Variants in CPEB3 observed in about 807,000 individuals in gnomAD.
CPEB3 encodes the protein cytoplasmic polyadenylation element-binding protein 3.
In CPEB3, 20 loss-of-function variants were observed where a neutral mutation model predicts 67.2. The observed-to-expected ratio is 0.30, with a 90% CI of 0.21 to 0.43. The LOEUF is 0.43. CPEB3 is among the 20% of genes least tolerant of loss of function. The pLI is 1.00. For synonymous variants in CPEB3, 376 were observed against 393.1 expected (o/e 0.96, Z 0.51); for missense variants, 746 against 968.6 (o/e 0.77, Z 3.05).
chr10:92,184,670 A>AAT (rs1343785402), intron 3 of CPEB3, among the ~76,000 whole-genome samples: 1 of 152,162 alleles, frequency 6.6e-6, no homozygotes, highest in Admixed American at 6.5e-5. Context: ...CAATTATCTA[A>AAT]ATATAATCTA....
chr10:92,056,614 CA>C (rs2134277424), intron 9 of CPEB3, among the ~76,000 whole-genome samples: 1 of 152,298 alleles, frequency 6.6e-6, no homozygotes, highest in East Asian at 1.9e-4. Context: ...CTGTGGGCTA[CA>C]GTGCTCTGTG....
At chr10:92,210,305 G>T (rs1850015699) in intron 2 of CPEB3, among the ~76,000 whole-genome samples, 2 of 152,108 alleles carry the variant, frequency 1.3e-5, no homozygotes, top group Non-Finnish European at 2.9e-5. Context: ...AATGAAGGTG[G>T]TCATCAACTA....
chr10:92,260,492 A>G (rs993000318), intron 1 of CPEB3, among the ~76,000 whole-genome samples: 3 of 151,104 alleles, frequency 2.0e-5, no homozygotes, highest in African/African-American at 7.3e-5. Flanking sequence ...CAGAGGTTTC[A>G]GTGAGCCGGG....
chr10:92,166,029 T>C (rs976571342), intron 4 of CPEB3, among the ~76,000 whole-genome samples: 1 of 152,190 alleles, frequency 6.6e-6, no homozygotes, highest in East Asian at 1.9e-4. Flanking sequence ...GAATCCTTTC[T>C]AGAAGGTTTT....
At chr10:92,150,479 T>TA (rs1305108873) in intron 4 of CPEB3, among the ~76,000 whole-genome samples, 15 of 152,312 alleles carry the variant, frequency 9.8e-5, no homozygotes, top group Admixed American at 3.9e-4. Context: ...CTTGAGCTAG[T>TA]AGACAGTCAG....
chr10:92,237,617 T>C (rs1282992300), intron 2 of CPEB3, among the ~76,000 whole-genome samples: 1 of 152,158 alleles, frequency 6.6e-6, no homozygotes, highest in African/African-American at 2.4e-5. Context: ...GTCTATATTA[T>C]CAGCTCCCAA....
intron 2 of CPEB3, among the ~76,000 whole-genome samples, chr10:92,199,057 T>C (rs937064173): frequency 2.0e-5 from 3 of 152,210 alleles, no homozygotes; most frequent in Admixed American, 6.5e-5. Flanking sequence ...AACATATACA[T>C]GGATAAAACA....
Position 92,239,631 on chromosome 10 carries a change from G to C in CPEB3, c.720C>G (p.Ser240=), listed in dbSNP as rs779231581. The C allele has an allele frequency of 3.8e-6, 6 of 1,559,400 alleles. No individual in the cohort carries two copies. Among genetic ancestry groups the C allele is most frequent in the Non-Finnish European group, 5.2e-6 (6 of 1,152,076 alleles). ...AAAAAASSAS[S]SWNTHQSVNA... ...TCACGCTTTGGTGCGTGTTCCAGCT[G>C]GACGAGGCCGACGAGGCGGCGGCTG... The change falls in exon 2 of 10, where the codon TCC becomes TCG. Residue 240 remains serine, a synonymous_variant. Coordinates refer to ENST00000265997, the MANE Select transcript of CPEB3 (RefSeq NM_014912.5). This position sits in a 1 kb window ranked among gnomAD's most constrained non-coding sequence, Gnocchi z 6.0.
At chr10:92,059,850 G>C (rs923722196) in intron 9 of CPEB3, among the ~76,000 whole-genome samples, 6 of 151,644 alleles carry the variant, frequency 4.0e-5, no homozygotes, top group African/African-American at 1.5e-4. Context: ...CCAGCTACTG[G>C]GGAGTCTGAG....
intron 2 of CPEB3, among the ~76,000 whole-genome samples, chr10:92,198,947 T>C (rs2134225378): frequency 6.6e-6 from 1 of 152,350 alleles, no homozygotes; most frequent in Admixed American, 6.5e-5. Flanking sequence ...GGATGGTAGA[T>C]GTCTGAAAGA....
chr10:92,059,405 T>G (rs1480925315), intron 9 of CPEB3, among the ~76,000 whole-genome samples: 1 of 150,502 alleles, frequency 6.6e-6, no homozygotes, highest in East Asian at 1.9e-4. Flanking sequence ...ATGAAGAAAT[T>G]AAGAAGGAAA....
intron 1 of CPEB3, among the ~76,000 whole-genome samples, chr10:92,275,845 C>CCTT (rs1207848896): frequency 9.7e-5 from 9 of 92,968 alleles, no homozygotes; most frequent in African/African-American, 3.3e-4. Context: ...TCATTCTTTT[C>CCTT]TTTTTTTTTT....
chr10:92,237,041 G>A (rs550784177), intron 2 of CPEB3, among the ~76,000 whole-genome samples: 2 of 151,884 alleles, frequency 1.3e-5, no homozygotes, highest in Non-Finnish European at 2.9e-5. Context: ...AAAAATCATC[G>A]AAACCACTTA....
intron 6 of CPEB3, among the ~76,000 whole-genome samples, chr10:92,126,404 AAT>A (rs1488972789): frequency 6.6e-6 from 1 of 152,166 alleles, no homozygotes; most frequent in African/African-American, 2.4e-5. Context: ...CATGTCCAGA[AAT>A]AGTGTGGCAT....
chr10:92,165,234 G>A (rs562286270), intron 4 of CPEB3, among the ~76,000 whole-genome samples: 5 of 152,188 alleles, frequency 3.3e-5, no homozygotes, highest in Admixed American at 6.5e-5. Flanking sequence ...ACTGTTTGAG[G>A]CCAGGAGCTG....
At chr10:92,238,089 A>C (rs1851627454) in intron 2 of CPEB3, among the ~76,000 whole-genome samples, 1 of 152,114 alleles carries the variant, frequency 6.6e-6, no homozygotes, top group South Asian at 2.1e-4. Flanking sequence ...CCTCTCTCAA[A>C]CTGTCAGCTC....
chr10:92,278,622 G>A (rs1198615739), intron 1 of CPEB3, among the ~76,000 whole-genome samples: 1 of 130,666 alleles, frequency 7.7e-6, no homozygotes, highest in Non-Finnish European at 1.5e-5. Context: ...TTTTTTTTGA[G>A]ACAGAGTCTT....
chr10:92,107,562 A>G (rs112092080), intron 7 of CPEB3, among the ~76,000 whole-genome samples: 2 of 152,268 alleles, frequency 1.3e-5, no homozygotes, highest in African/African-American at 4.8e-5. Context: ...TTCAGGTTCA[A>G]TCTATTAATA....
intron 2 of CPEB3, among the ~76,000 whole-genome samples, chr10:92,208,759 A>C (rs991925892): frequency 6.6e-6 from 1 of 151,862 alleles, no homozygotes; most frequent in Non-Finnish European, 1.5e-5. Flanking sequence ...ATGCCTGGCT[A>C]ATTTTTTGTA....
Sources: gnomAD v4.1 joint callset for allele counts (sites outside exome capture counted in the v4.1 genomes callset) on GRCh38, gnomAD v4.1.1 for gene constraint, Gnocchi (gnomAD v3.1) non-coding constraint, MANE v1.5 for transcripts, NCBI Gene and HGNC (gene_info 2026-07-23, HGNC 2026-07-21) for gene names.